XYLB: variants seen among roughly 807,000 people sequenced by gnomAD.
The protein encoded by XYLB is xylulose kinase.
Under a neutral mutation model 78.7 loss-of-function variants are expected in XYLB, and 62 were observed. The observed-to-expected ratio is 0.79, with a 90% CI of 0.64 to 0.97. XYLB has a LOEUF of 0.97. XYLB is among the 50% of genes least tolerant of loss of function. The probability of loss-of-function intolerance (pLI) is 0.00; values close to 1 mark genes in which losing one functional copy is unlikely to be tolerated. For synonymous variants in XYLB, 245 were observed against 247.4 expected (o/e 0.99, Z 0.09); for missense variants, 687 against 676.8 (o/e 1.02, Z -0.17).
the XYLB span, among the ~76,000 whole-genome samples, chr3:38,430,108 C>G: frequency 6.6e-6 from 1 of 152,192 alleles, no homozygotes; most frequent in South Asian, 2.1e-4. Flanking sequence ...ATTCCTAGCT[C>G]TAGATCTTTG....
Position 38,368,199 on chromosome 3 carries a change from C to T in XYLB, c.588C>T (p.Val196=), listed in dbSNP as rs1385625579. The change falls in exon 8 of 19, where the codon GTC becomes GTT. Residue 196 remains valine (V), a synonymous_variant. Transcript: ENST00000207870. ...AYSHTERISL[V]SSFAASLFLG... ...TTCCTTTACAGAGAATTTCTTTGGT[C>T]AGTAGCTTTGCTGCTTCCCTGTTCC... 2.5e-6 allele frequency: 4 copies of T among 1,613,930 alleles called. No individual in the cohort carries two copies. The Admixed American group carries it at 6.7e-5, about 27-fold the overall frequency.
At chr3:38,358,309 T>TTGTTTTG (rs1705775644) in intron 2 of XYLB, among the ~76,000 whole-genome samples, 1 of 54,918 alleles carries the variant, frequency 1.8e-5, no homozygotes, top group African/African-American at 7.0e-5. Context: ...CAGTTTTGTT[T>TTGTTTTG]TGTGTGTGTG....
the XYLB span, among the ~76,000 whole-genome samples, chr3:38,449,995 G>T: frequency 0.023 from 3,503 of 152,214 alleles, 145 homozygotes; most frequent in African/African-American, 0.08. Flanking sequence ...ATAAGGCAAA[G>T]AAATAAAGCA....
chr3:38,399,899 G>T (rs1708050964), intron 17 of XYLB, among the ~76,000 whole-genome samples: 1 of 152,184 alleles, frequency 6.6e-6, no homozygotes, highest in Non-Finnish European at 1.5e-5. Flanking sequence ...TGTGTAGCCA[G>T]TCTGCGAGTA....
intron 9 of XYLB, 82 bp from the exon 10 acceptor site, chr3:38,372,573 C>T (rs947818905): frequency 2.8e-5 from 45 of 1,606,276 alleles, no homozygotes; most frequent in East Asian, 1.1e-4. Context: ...GTAGCGTTTT[C>T]GTGGCCTGAA....
intron 9 of XYLB, among the ~76,000 whole-genome samples, chr3:38,370,968 T>G (rs1362223214): frequency 6.6e-6 from 1 of 152,046 alleles, no homozygotes; most frequent in Non-Finnish European, 1.5e-5. Context: ...CAGAAGGAAC[T>G]CTGGGTGGGA....
At chr3:38,446,807 A>G in the XYLB span, among the ~76,000 whole-genome samples, 3 of 152,222 alleles carry the variant, frequency 2.0e-5, no homozygotes, top group Non-Finnish European at 4.4e-5. Context: ...ATTTGAAACT[A>G]TGAAAATACC....
rs911184063 is a variant in XYLB, at chr3:38,355,816, AACTCCCC to A, written c.141-4511_141-4505del. The A allele has an allele frequency of 4.7e-5, 33 of 703,516 alleles. No individual in the cohort carries two copies. The African/African-American group carries it at 5.4e-4, about 12-fold the overall frequency. The allele number at this position is 703,516 out of a possible 1,614,324, so 43.6% of individuals were successfully genotyped here. ...GTTCCTGAATGACTGCATGGAGCAG[AACTCCCC>A]ACTCCCCACTCATGTTCCTAACCAC... On this transcript the variant is annotated intron_variant, in intron 2 of 18. Coordinates refer to ENST00000207870, the MANE Select transcript of XYLB (RefSeq NM_005108.4).
intron 14 of XYLB, among the ~76,000 whole-genome samples, chr3:38,377,613 A>G (rs1246275545): frequency 1.3e-5 from 2 of 151,636 alleles, no homozygotes; most frequent in African/African-American, 2.4e-5. Context: ...ACACCTGGCT[A>G]ATTTTTGTAT....
At chr3:38,381,565 C>G (rs374178558) in intron 15 of XYLB, among the ~76,000 whole-genome samples, 13 of 152,184 alleles carry the variant, frequency 8.5e-5, no homozygotes, top group African/African-American at 1.7e-4. Flanking sequence ...GGAAAAATAT[C>G]GCTGAATTCT....
chr3:38,358,143 A>G (rs563328273), intron 2 of XYLB, among the ~76,000 whole-genome samples: 49 of 148,298 alleles, frequency 3.3e-4, no homozygotes, highest in Middle Eastern at 3.4e-3. Context: ...AATAATTGGA[A>G]AAATTTTCCT....
chr3:38,437,005 AAATAATAAT>A, the XYLB span, among the ~76,000 whole-genome samples: 7,811 of 134,766 alleles, frequency 0.058, 350 homozygotes, highest in East Asian at 0.23. Flanking sequence ...CTCCTTCTAA[AAATAATAAT>A]AATAATAATA....
chr3:38,397,379 A>T (rs1707917706), intron 17 of XYLB, among the ~76,000 whole-genome samples: 1 of 152,290 alleles, frequency 6.6e-6, no homozygotes, highest in South Asian at 2.1e-4. Flanking sequence ...GCTGGGTCCT[A>T]ACTGAATGAG....
chr3:38,446,957 G>T, the XYLB span, among the ~76,000 whole-genome samples: 12 of 152,226 alleles, frequency 7.9e-5, no homozygotes, highest in Admixed American at 2.0e-4. Context: ...CAAAGCAAAA[G>T]AAACAATCAA....
the XYLB span, among the ~76,000 whole-genome samples, chr3:38,428,117 G>T: frequency 6.6e-6 from 1 of 152,128 alleles, no homozygotes. Flanking sequence ...AATATTAGGG[G>T]ATTTTCCAGA....
At chr3:38,387,173 T>A (rs540388447) in intron 15 of XYLB, among the ~76,000 whole-genome samples, 60 of 152,328 alleles carry the variant, frequency 3.9e-4, no homozygotes, top group Non-Finnish European at 7.2e-4. Flanking sequence ...GATCTGTGGG[T>A]TAATGTCTTC....
chr3:38,408,518 A>G (rs1174805175), intron 18 of XYLB, among the ~76,000 whole-genome samples: 1 of 151,766 alleles, frequency 6.6e-6, no homozygotes, highest in South Asian at 2.1e-4. Flanking sequence ...AGCAGAAGGC[A>G]AGAAATAACT....
At chr3:38,385,938 T>C (rs975477988) in intron 15 of XYLB, among the ~76,000 whole-genome samples, 5 of 152,172 alleles carry the variant, frequency 3.3e-5, no homozygotes, top group Admixed American at 3.3e-4. Context: ...CTGGGAAATA[T>C]TAGGATATAT....
downstream of XYLB, among the ~76,000 whole-genome samples, chr3:38,420,991 G>C (rs567011643): frequency 1.3e-5 from 2 of 152,366 alleles, no homozygotes; most frequent in South Asian, 4.1e-4. Context: ...TTTTGCTGCA[G>C]ATAATCAGCC....
Sources: gnomAD v4.1 joint callset for allele counts (sites outside exome capture counted in the v4.1 genomes callset) on GRCh38, gnomAD v4.1.1 for gene constraint, MANE v1.5 for transcripts, NCBI Gene and HGNC (gene_info 2026-07-23, HGNC 2026-07-21) for gene names.